DNAJA4: variants seen among roughly 807,000 people sequenced by gnomAD.
DNAJA4 encodes the protein DnaJ heat shock protein family (Hsp40) member A4.
In DNAJA4, 32 loss-of-function variants were observed where a neutral mutation model predicts 39.7. The observed-to-expected ratio is 0.81, with a 90% CI of 0.61 to 1.08. DNAJA4 has a LOEUF of 1.08. Among genes scored for constraint, DNAJA4 ranks in the 50% least tolerant of loss-of-function variants. The pLI is 0.00. For synonymous variants in DNAJA4, 184 were observed against 182.4 expected (o/e 1.01, Z -0.07); for missense variants, 439 against 505.1 (o/e 0.87, Z 1.25).
At chr15:78,264,253 G>T, upstream of DNAJA4, 1 of 1,223,206 alleles carries the variant, frequency 8.2e-7, no homozygotes, top group Non-Finnish European at 1.1e-6. Context: ...CGGCCTCGGG[G>T]CGGCGGGACA....
At chr15:78,273,266 T>C in intron 3 of DNAJA4, 67 bp downstream of exon 3, 1 of 989,798 alleles carries the variant, frequency 1.0e-6, no homozygotes, top group East Asian at 2.4e-5. Flanking sequence ...ATGCTTGTTT[T>C]ATAGTTCAGG....
Position 78,280,073 on chromosome 15 carries a change from A to C in DNAJA4, c.906A>C (p.Arg302Ser), listed in dbSNP as rs2049608891. The C allele has an allele frequency of 6.2e-7, 1 of 1,614,114 alleles. No homozygotes were observed. The highest frequency in any genetic ancestry group is 1.3e-5 in the African/African-American group (1 of 74,934). ...AGEVIKHGDL[R>S]CVRDEGMPIY... is the part of the protein sequence containing the mutation. ...AGGTGATAAAGCACGGGGACCTGAG[A>C]TGCGTGCGCGATGAAGGAATGCCCA... Residue 302 changes from arginine (R) to serine (S), a missense_variant, in exon 6 of 7, where the codon AGA (arginine) becomes AGC (serine). Arg to Ser is a moderately radical substitution (Grantham distance 110, BLOSUM62 -1). Coordinates refer to ENST00000394852, the MANE Select transcript of DNAJA4 (RefSeq NM_001130182.2).
At chr15:78,265,519 A>C (rs938010782) in intron 1 of DNAJA4, 78 of 702,246 alleles carry the variant, frequency 1.1e-4, no homozygotes, top group Non-Finnish European at 1.9e-4. Context: ...GCTTGTACTC[A>C]TATTCTGGGT....
intron 5 of DNAJA4, among the ~76,000 whole-genome samples, chr15:78,276,895 CCTT>C (rs534771321): frequency 3.3e-4 from 50 of 152,200 alleles, no homozygotes; most frequent in Non-Finnish European, 1.2e-4. Context: ...CCCTTCCCCT[CCTT>C]GTCTGCTTTT....
In DNAJA4 at chr15:78,270,518, T is replaced by C. The variant is rs753460042; in HGVS notation, c.154T>C (p.Tyr52His). 6 of 1,613,948 alleles carry C rather than the reference T, an allele frequency of 3.7e-6. No individual in the cohort carries two copies. In the African/African-American group the frequency reaches 8.0e-5, roughly 22 times the overall value. ...AAAGTTTAAACTCATATCCCAGGCA[T>C]ATGAAGTGCTTTCAGATCCAAAGAA... is the stretch of plus-strand genomic sequence containing the variant. ...GEKFKLISQA[Y>H]EVLSDPKKRD... The change falls in exon 2 of 7, where the codon TAT becomes CAT. Residue 52 changes from tyrosine to histidine, a missense_variant. Tyr to His is a moderately conservative substitution (Grantham distance 83). Coordinates refer to ENST00000394852, the MANE Select transcript of DNAJA4 (RefSeq NM_001130182.2).
chr15:78,274,324 G>C lies in DNAJA4; in HGVS notation c.546G>C (p.Lys182Asn). Residue 182 changes from lysine (K) to asparagine (N), a missense_variant, in exon 4 of 7, where the codon AAG (lysine) becomes AAC (asparagine). Lys to Asn is a moderately conservative substitution (Grantham distance 94). Transcript: ENST00000394852. ...TCCAGACCGTGTGCATCGAGTGCAA[G>C]GGCCAGGGTGAGCGCATCAACCCCA... ...QQIQTVCIEC[K>N]GQGERINPKD... is the part of the protein sequence containing the mutation. 6.2e-7 allele frequency: 1 copy of C among 1,614,218 alleles called. No individual in the cohort carries two copies. Among genetic ancestry groups the C allele is most frequent in the Non-Finnish European group, 8.5e-7 (1 of 1,180,038 alleles).
intron 1 of DNAJA4, chr15:78,265,799 G>A: frequency 1.6e-6 from 1 of 631,266 alleles, no homozygotes; most frequent in South Asian, 1.9e-5. Flanking sequence ...GAGAGGTGGG[G>A]CCGTTATAGT....
intron 5 of DNAJA4, among the ~76,000 whole-genome samples, chr15:78,276,582 A>C (rs992941668): frequency 3.3e-5 from 5 of 152,242 alleles, no homozygotes; most frequent in African/African-American, 9.6e-5. Flanking sequence ...TCTGAATAGC[A>C]CTAAGGTCAG....
At chr15:78,267,405 G>T (rs2049171676) in intron 1 of DNAJA4, among the ~76,000 whole-genome samples, 1 of 152,044 alleles carries the variant, frequency 6.6e-6, no homozygotes, top group South Asian at 2.1e-4. Context: ...CTGTTGCTAA[G>T]CATTGGGGCA....
At chr15:78,273,440 ATTAT>A (rs529928007) in intron 3 of DNAJA4, among the ~76,000 whole-genome samples, 2 of 152,118 alleles carry the variant, frequency 1.3e-5, no homozygotes, top group Admixed American at 1.3e-4. Context: ...TTTTATTTTT[ATTAT>A]ACTCTAAGTT....
rs764659986 is a variant in DNAJA4, at chr15:78,270,597, G to A, written c.233G>A (p.Gly78Asp). 44 of 1,614,178 alleles carry A rather than the reference G, an allele frequency of 2.7e-5. No homozygotes were observed. The highest frequency in any genetic ancestry group is 3.7e-5 in the Non-Finnish European group (44 of 1,180,034). Residue 78 changes from glycine to aspartate, a missense_variant, in exon 2 of 7, where the codon GGC becomes GAC. By Grantham distance (94) the Gly-to-Asp change is moderately conservative. Coordinates refer to ENST00000394852, the MANE Select transcript of DNAJA4 (RefSeq NM_001130182.2). ...CAGGCAATTAAAGAAGGAGGCTCAG[G>A]CAGCCCCAGCTTCTCTTCACCCATG... is the stretch of plus-strand genomic sequence containing the variant. The part of the protein sequence containing the change: ...GEQAIKEGGS[G>D]SPSFSSPMDI...
intron 4 of DNAJA4, chr15:78,275,293 G>A: frequency 1.8e-6 from 1 of 571,178 alleles, no homozygotes. Context: ...GTGCATGCTG[G>A]GCTTGGCCCC....
At chr15:78,274,045 C>T in intron 3 of DNAJA4, 152 bp from the exon 4 acceptor site, 1 of 687,604 alleles carries the variant, frequency 1.5e-6, no homozygotes, top group Non-Finnish European at 2.4e-6. Context: ...TGGACTCCTC[C>T]AGACTCTTCT....
chr15:78,267,193 A>T (rs28444129), intron 1 of DNAJA4, among the ~76,000 whole-genome samples: 35 of 150,554 alleles, frequency 2.3e-4, no homozygotes, highest in African/African-American at 7.8e-4. Flanking sequence ...TGTGTGTGTG[A>T]GTGTGTATGT....
At chr15:78,265,651 C>T (rs752955371) in intron 1 of DNAJA4, 12 of 702,362 alleles carry the variant, frequency 1.7e-5, no homozygotes, top group South Asian at 1.5e-4. Context: ...TGCTTTTTAT[C>T]TCTAAAGAGG....
chr15:78,270,257 C>G, intron 1 of DNAJA4: 1 of 392,228 alleles, frequency 2.5e-6, no homozygotes, highest in Non-Finnish European at 4.6e-6. Context: ...ACTGGCTTCT[C>G]TCCCTTATTC....
At position 78,281,566 on chromosome 15, in the gene DNAJA4, A is replaced by G. The variant is rs748700643; in HGVS notation, c.*1106A>G. ...TTTGTATGGACTACTACTGTAAATTATAGCTTGTTTGGAGGGATATTAGTC... is the reference window on the plus strand; with the variant it reads ...TTTGTATGGACTACTACTGTAAATTGTAGCTTGTTTGGAGGGATATTAGTC... On this transcript the variant is annotated 3_prime_UTR_variant, in exon 7 of 7. Transcript: ENST00000394852. 6.6e-6 allele frequency: 1 copy of G among 152,246 alleles called. No homozygotes were observed. The highest frequency in any genetic ancestry group is 1.5e-5 in the Non-Finnish European group (1 of 68,046). 9.4% of individuals were successfully genotyped at this position (152,246 alleles called of 1,614,324 possible). A position where few individuals can be genotyped will look rare whatever the true frequency, so the allele number is the denominator to read the frequency against.
intron 6 of DNAJA4, 50 bp downstream of exon 6, chr15:78,280,195 T>C (rs1290869652): frequency 6.8e-6 from 11 of 1,611,110 alleles, no homozygotes; most frequent in Middle Eastern, 1.6e-4. Flanking sequence ...AATGCCTTAA[T>C]TGGAAGGGGA....
intron 5 of DNAJA4, among the ~76,000 whole-genome samples, chr15:78,278,861 G>T (rs2049563626): frequency 1.4e-5 from 2 of 141,960 alleles, no homozygotes; most frequent in Non-Finnish European, 3.0e-5. Flanking sequence ...AGTAGAGACG[G>T]GGTTTCACTA....
Sources: gnomAD v4.1 joint callset for allele counts (sites outside exome capture counted in the v4.1 genomes callset) on GRCh38, gnomAD v4.1.1 for gene constraint, MANE v1.5 for transcripts, NCBI Gene and HGNC (gene_info 2026-07-23, HGNC 2026-07-21) for gene names.